AKAP8: variants seen among roughly 807,000 people sequenced by gnomAD.
AKAP8 encodes A-kinase anchor protein 8.
AKAP8 carries 24 observed loss-of-function variants against 67.5 expected under a neutral mutation model. The ratio of observed to expected loss-of-function variants is 0.36; its 90% CI spans 0.26 to 0.50. The LOEUF (loss-of-function observed/expected upper bound fraction) is 0.50, where lower values mean the gene tolerates loss of function less well. AKAP8 is among the 20% of genes least tolerant of loss of function. The probability of loss-of-function intolerance (pLI) is 0.97; values close to 1 mark genes in which losing one functional copy is unlikely to be tolerated. For synonymous variants in AKAP8, 400 were observed against 371.1 expected (o/e 1.08, Z -0.90); for missense variants, 971 against 955.9 (o/e 1.02, Z -0.21).
intron 1 of AKAP8, among the ~76,000 whole-genome samples, chr19:15,378,304 G>A (rs952116050): frequency 6.6e-6 from 1 of 152,170 alleles, no homozygotes; most frequent in Non-Finnish European, 1.5e-5. Context: ...CCAACCTCGA[G>A]AGACTGCTTC....
chr19:15,375,543 C>A lies in AKAP8; in HGVS notation c.59-908G>T, dbSNP rs539028959. Among the ~76,000 whole-genome samples the A allele has an allele frequency of 3.3e-5, 5 of 152,038 alleles. No individual in the cohort carries two copies. In the South Asian group the frequency reaches 1.0e-3, roughly 32 times the overall value. Reference sequence around the variant, plus strand: ...CTGGATCAAAACTCAGAGAACTATACAAATTAACAAAAACTATGAGCTATA... The same window carrying A: ...CTGGATCAAAACTCAGAGAACTATAAAAATTAACAAAAACTATGAGCTATA... On this transcript the variant is annotated intron_variant, in intron 2 of 13. Coordinates refer to ENST00000269701, the MANE Select transcript of AKAP8 (RefSeq NM_005858.4).
chr19:15,368,542 G>A (rs534671432), intron 8 of AKAP8: 1 of 985,228 alleles, frequency 1.0e-6, no homozygotes, highest in East Asian at 1.1e-4. Context: ...TCCCCACATG[G>A]CCTGAGGCGG....
At chr19:15,377,068 C>A (rs1967265763) in intron 1 of AKAP8, 54 bp from the exon 2 acceptor site, 3 of 1,586,008 alleles carry the variant, frequency 1.9e-6, no homozygotes, top group South Asian at 1.1e-5. Flanking sequence ...GAGAACGGGT[C>A]CTTTTGGGGG....
chr19:15,357,015 A>G (rs1457877095), intron 13 of AKAP8, among the ~76,000 whole-genome samples: 5 of 151,918 alleles, frequency 3.3e-5, no homozygotes, highest in East Asian at 1.9e-4. Context: ...CTGGAGTGCA[A>G]TGGCGCGATC....
chr19:15,375,129 C>G (rs1967230207), intron 2 of AKAP8, among the ~76,000 whole-genome samples: 1 of 152,208 alleles, frequency 6.6e-6, no homozygotes, highest in South Asian at 2.1e-4. Context: ...CAAAAGCAGC[C>G]CCACTCCCCA....
At chr19:15,362,368 T>A (rs1356419685) in intron 9 of AKAP8, 117 bp from the exon 10 acceptor site, 1 of 927,210 alleles carries the variant, frequency 1.1e-6, no homozygotes, top group Non-Finnish European at 1.6e-6. Context: ...GCTCTCCCCC[T>A]CCCCCTCTCC....
At chr19:15,364,516 A>G (rs1025415329) in intron 9 of AKAP8, among the ~76,000 whole-genome samples, 1 of 151,904 alleles carries the variant, frequency 6.6e-6, no homozygotes, top group African/African-American at 2.4e-5. Context: ...ACTCCCAGTT[A>G]ATTTTTGTAT....
intron 7 of AKAP8, 128 bp from the exon 8 acceptor site, chr19:15,370,307 A>C: frequency 9.6e-7 from 1 of 1,037,824 alleles, no homozygotes; most frequent in African/African-American, 1.6e-5. Context: ...GCCACCAAGA[A>C]TGAGCCACAG....
chr19:15,369,303 C>T lies in AKAP8; in HGVS notation c.1072+843G>A. Reference sequence around the variant, plus strand: ...GGGGCGCCCCGTGCTATGGACAGGACTGCTGCGGGTCGCGGGGGGGAGGAC... The same window carrying T: ...GGGGCGCCCCGTGCTATGGACAGGATTGCTGCGGGTCGCGGGGGGGAGGAC... On this transcript the variant is annotated intron_variant, in intron 8 of 13. Transcript: ENST00000269701. The surrounding 1 kb of genome is among the most constrained non-coding windows in gnomAD (Gnocchi z 4.6). 9 of 981,360 alleles carry T rather than the reference C, an allele frequency of 9.2e-6. No individual in the cohort carries two copies. The highest frequency in any genetic ancestry group is 1.1e-5 in the Non-Finnish European group (9 of 826,174). 60.8% of individuals were successfully genotyped at this position (981,360 alleles called of 1,614,324 possible). A position where few individuals can be genotyped will look rare whatever the true frequency, so the allele number is the denominator to read the frequency against.
At chr19:15,368,452 G>T in intron 8 of AKAP8, 130 bp from the exon 9 acceptor site, 1 of 1,555,802 alleles carries the variant, frequency 6.4e-7, no homozygotes, top group Non-Finnish European at 8.6e-7. Flanking sequence ...CACGCGGCAG[G>T]GTCCAGGATG....
chr19:15,374,177 AC>A, intron 3 of AKAP8, 112 bp from the exon 4 acceptor site: 1 of 1,276,306 alleles, frequency 7.8e-7, no homozygotes, highest in Non-Finnish European at 1.1e-6. Context: ...CGGGTGTGGG[AC>A]CCAGTGCTGC....
chr19:15,361,301 C>A (rs941842509), intron 11 of AKAP8, among the ~76,000 whole-genome samples: 3 of 151,478 alleles, frequency 2.0e-5, no homozygotes, highest in African/African-American at 7.3e-5. Context: ...GCTCTTCCCA[C>A]GGGTCTCGTC....
Position 15,361,262 on chromosome 19 carries a change from C to A in AKAP8, c.1397-284G>T, listed in dbSNP as rs534045102. On this transcript the variant is annotated intron_variant, in intron 11 of 13. Transcript: ENST00000269701. Reference sequence around the variant, plus strand: ...AGCTGCAATCTATGCAAGGCCACATCCGAAGGTTTCTTTCCATTGCTGCTG... The same window carrying A: ...AGCTGCAATCTATGCAAGGCCACATACGAAGGTTTCTTTCCATTGCTGCTG... 5.3e-5 allele frequency among the ~76,000 whole-genome samples: 3 copies of A among 56,960 alleles called. No individual in the cohort carries two copies. In the Admixed American group the frequency reaches 5.7e-4, roughly 11 times the overall value. 37.4% of individuals were successfully genotyped at this position (56,960 alleles called of 152,430 possible).
At position 15,359,059 on chromosome 19, in the gene AKAP8, C is replaced by T; in HGVS notation, c.1531G>A (p.Ala511Thr). 1 of 1,614,076 alleles carries T rather than the reference C, an allele frequency of 6.2e-7. No individual in the cohort carries two copies. Among genetic ancestry groups the T allele is most frequent in the Non-Finnish European group, 8.5e-7 (1 of 1,179,950 alleles). ...CTGGTTTTCTTGAACTGTTCAGCAGCCAACTGCAAAGGGAACCAAATGTGA... is the reference window on the plus strand; with the variant it reads ...CTGGTTTTCTTGAACTGTTCAGCAGTCAACTGCAAAGGGAACCAAATGTGA... The part of the protein sequence containing the change: ...SVDHNHNRRL[A>T]AEQFKKTSLH... The change falls in exon 13 of 14, where the codon GCT (alanine) becomes ACT (threonine). Residue 511 changes from alanine (A) to threonine (T), a missense_variant. Around this residue, in one of 3 missense-constraint regions of AKAP8, gnomAD observed 763 missense variants for 745.4 expected, o/e 1.02. Transcript: ENST00000269701.
intron 13 of AKAP8, 45 bp downstream of exon 13, chr19:15,358,922 C>T (rs1320519861): frequency 5.1e-6 from 8 of 1,569,178 alleles, no homozygotes; most frequent in Non-Finnish European, 7.0e-6. Context: ...GGTTCATCTT[C>T]CCTTTTGAAA....
chr19:15,377,744 A>T (rs1967278326), intron 1 of AKAP8, among the ~76,000 whole-genome samples: 1 of 152,148 alleles, frequency 6.6e-6, no homozygotes, highest in Non-Finnish European at 1.5e-5. Context: ...CTGGGATTAC[A>T]GGCGTGAGTC....
At chr19:15,376,637 C>A (rs573611710) in intron 2 of AKAP8, among the ~76,000 whole-genome samples, 1 of 152,162 alleles carries the variant, frequency 6.6e-6, no homozygotes, top group South Asian at 2.1e-4. Flanking sequence ...AGAGAAAAAA[C>A]ACCTCGGATA....
intron 3 of AKAP8, among the ~76,000 whole-genome samples, chr19:15,374,275 G>A (rs1029049679): frequency 8.5e-5 from 13 of 152,218 alleles, no homozygotes; most frequent in Non-Finnish European, 1.8e-4. Context: ...CGAGCGGCGG[G>A]TTTTCCATGC....
At chr19:15,359,187 A>G in intron 12 of AKAP8, 125 bp from the exon 13 acceptor site, 1 of 812,466 alleles carries the variant, frequency 1.2e-6, no homozygotes, top group South Asian at 1.6e-5. Context: ...TCAAAACGCC[A>G]GCCTCCAAGA....
Sources: allele counts gnomAD v4.1 joint callset (sites outside exome capture counted in the v4.1 genomes callset), GRCh38; gene constraint gnomAD v4.1.1; regional missense constraint gnomAD v4.1.1; non-coding constraint Gnocchi (gnomAD v3.1); transcripts MANE v1.5; gene names NCBI Gene and HGNC (gene_info 2026-07-23, HGNC 2026-07-21).